Variants in SLC5A10 observed in about 807,000 individuals in gnomAD.
SLC5A10 encodes the protein solute carrier family 5 member 10.
A neutral mutation model predicts 68.9 loss-of-function variants in SLC5A10; 55 were observed. The observed-to-expected ratio is 0.80, with a 90% CI of 0.64 to 1.00. The LOEUF (loss-of-function observed/expected upper bound fraction) is 1.00, where lower values mean the gene tolerates loss of function less well. Among genes scored for constraint, SLC5A10 ranks in the 50% least tolerant of loss-of-function variants. SLC5A10 has a pLI of 0.00. For missense variants in SLC5A10, 732 were observed against 819.3 expected (o/e 0.89, Z 1.30); for synonymous variants, 344 against 344.8 (o/e 1.00, Z 0.02).
Position 19,017,341 on chromosome 17 carries a change from C to G in SLC5A10, c.1242-2082C>G, listed in dbSNP as rs368326847. 1.3e-6 allele frequency: 2 copies of G among 1,552,026 alleles called. No individual in the cohort carries two copies. Among genetic ancestry groups the G allele is most frequent in the Non-Finnish European group, 1.7e-6 (2 of 1,147,062 alleles). ...AAAGCCGTCTCAGCTTCCTCCTGCC[C>G]GAAACACCACCATTGGAGCGGTATC... On this transcript the variant is annotated intron_variant, in intron 11 of 14. Coordinates refer to ENST00000395645, the MANE Select transcript of SLC5A10 (RefSeq NM_001042450.4). The surrounding 1 kb of genome is among the most constrained non-coding windows in gnomAD (Gnocchi z 5.6).
chr17:18,982,202 T>C (rs1160656166), intron 9 of SLC5A10, among the ~76,000 whole-genome samples: 2 of 152,146 alleles, frequency 1.3e-5, no homozygotes, highest in East Asian at 3.9e-4. Flanking sequence ...TGGGCCTTAG[T>C]CTCCCTTAGC....
At position 18,996,283 on chromosome 17, in the gene SLC5A10, T is replaced by TC. The variant is rs1567803019; in HGVS notation, c.983-17125dup. Among the ~76,000 whole-genome samples, 1 of 152,046 alleles carries TC rather than the reference T, an allele frequency of 6.6e-6. No homozygotes were observed. The highest frequency in any genetic ancestry group is 2.4e-5 in the African/African-American group (1 of 41,398). ...ACTCCCTCCTCCAGCTGCAACCCCC[T>TC]CCTCCAGCAGCACGGTTGGGACAGA... is the stretch of plus-strand genomic sequence containing the variant. On this transcript the variant is annotated intron_variant, in intron 9 of 14. Transcript: ENST00000395645. The surrounding 1 kb of genome is among the most constrained non-coding windows in gnomAD (Gnocchi z 4.4).
intron 9 of SLC5A10, among the ~76,000 whole-genome samples, chr17:19,011,996 T>G (rs1028565902): frequency 5.9e-5 from 9 of 152,016 alleles, no homozygotes; most frequent in Admixed American, 1.3e-4. Context: ...TGCTGCTGTG[T>G]TGCAACTCTG....
chr17:18,978,022 G>C, intron 9 of SLC5A10: 1 of 1,544,248 alleles, frequency 6.5e-7, no homozygotes, highest in Non-Finnish European at 8.7e-7. Context: ...CGTGGCCTGG[G>C]CCTGCCATCC....
Position 19,015,166 on chromosome 17 carries a change from G to A in SLC5A10, c.1208G>A (p.Arg403His), listed in dbSNP as rs780978997. 1 of 1,526,252 alleles carries A rather than the reference G, an allele frequency of 6.6e-7. No individual in the cohort carries two copies. 94.5% of individuals were successfully genotyped at this position (1,526,252 alleles called of 1,614,324 possible). ...GACATCTGGAGGCGGCTGCGTCCCC[G>A]CTCCGGCGAGCGGGAGCTCCTGCTG... ...TMDIWRRLRP[R>H]SGERELLLVG... Residue 403 changes from arginine to histidine, a missense_variant, in exon 11 of 15, where the codon CGC becomes CAC. Physicochemically the swap from Arg to His is conservative, Grantham distance 29 (BLOSUM62 0). Transcript: ENST00000395645.
chr17:18,990,000 C>T (rs2043373188), intron 9 of SLC5A10, among the ~76,000 whole-genome samples: 1 of 152,194 alleles, frequency 6.6e-6, no homozygotes, highest in African/African-American at 2.4e-5. Context: ...CCCAGAACTC[C>T]AAGGCCTAGG....
In SLC5A10 at chr17:19,017,652, C is replaced by A. The variant is rs144294169; in HGVS notation, c.1242-1771C>A. On this transcript the variant is annotated intron_variant, in intron 11 of 14. Coordinates refer to ENST00000395645, the MANE Select transcript of SLC5A10 (RefSeq NM_001042450.4). The surrounding 1 kb of genome is among the most constrained non-coding windows in gnomAD (Gnocchi z 5.6). ...CAGTCCACTGTTCCGCCACTGCCCC[C>A]CTGCCCCACTCTCCCCTGTCTGTGT... 2.1e-6 allele frequency: 1 copy of A among 471,608 alleles called. No homozygotes were observed. Among genetic ancestry groups the A allele is most frequent in the African/African-American group, 2.0e-5 (1 of 50,832 alleles). The allele number at this position is 471,608 out of a possible 1,614,324, so 29.2% of individuals were successfully genotyped here. A position where few individuals can be genotyped will look rare whatever the true frequency, so the allele number is the denominator to read the frequency against.
Position 18,958,772 on chromosome 17 carries a change from C to G in SLC5A10, c.183+19C>G. On this transcript the variant is annotated intron_variant, in intron 2 of 14. Transcript: ENST00000395645. ...GTGGCCGGTGAGTGCACCCTGACTT[C>G]TCACACACCCCCACTTTGTCCGTGG... The G allele has an allele frequency of 6.2e-7, 1 of 1,613,674 alleles. No homozygotes were observed. Among genetic ancestry groups the G allele is most frequent in the Non-Finnish European group, 8.5e-7 (1 of 1,179,634 alleles).
chr17:18,988,541 G>T, intron 9 of SLC5A10: 1 of 1,462,184 alleles, frequency 6.8e-7, no homozygotes. Context: ...CCCTACTCCT[G>T]GAGCCTCAGG....
At position 19,000,073 on chromosome 17, in the gene SLC5A10, G is replaced by A. The variant is rs145678818; in HGVS notation, c.983-13337G>A. 2.0e-5 allele frequency among the ~76,000 whole-genome samples: 3 copies of A among 152,330 alleles called. No homozygotes were observed. In the East Asian group the frequency reaches 5.8e-4, roughly 29 times the overall value. ...CTGCAGCCAAGTGAGGCCGGGGCTC[G>A]CCCCTCCCAGGCGTGATCTTACAAG... On this transcript the variant is annotated intron_variant, in intron 9 of 14. Coordinates refer to ENST00000395645, the MANE Select transcript of SLC5A10 (RefSeq NM_001042450.4). This position sits in a 1 kb window ranked among gnomAD's most constrained non-coding sequence, Gnocchi z 5.2.
chr17:18,958,805 T>C, intron 2 of SLC5A10, 52 bp downstream of exon 2: 1 of 1,594,448 alleles, frequency 6.3e-7, no homozygotes, highest in Non-Finnish European at 8.6e-7. Context: ...TGGGGCTGTG[T>C]CTGATCTCTA....
chr17:18,992,625 G>A (rs1031292687), intron 9 of SLC5A10, among the ~76,000 whole-genome samples: 4 of 152,210 alleles, frequency 2.6e-5, no homozygotes, highest in African/African-American at 7.2e-5. Flanking sequence ...AGGGTGGAGC[G>A]GGCGGAGTCG....
intron 9 of SLC5A10, among the ~76,000 whole-genome samples, chr17:19,012,220 C>T (rs901163970): frequency 6.6e-6 from 1 of 152,200 alleles, no homozygotes; most frequent in African/African-American, 2.4e-5. Context: ...GTCAGCCCCA[C>T]GACTGCTAAC....
intron 9 of SLC5A10, among the ~76,000 whole-genome samples, chr17:19,005,151 A>G (rs1200159524): frequency 6.6e-6 from 1 of 152,164 alleles, no homozygotes; most frequent in Non-Finnish European, 1.5e-5. Context: ...TTGTGGAAAC[A>G]GGTCTAGGGT....
intron 9 of SLC5A10, among the ~76,000 whole-genome samples, chr17:18,980,751 G>A (rs942173300): frequency 1.1e-4 from 17 of 152,146 alleles, no homozygotes; most frequent in African/African-American, 4.1e-4. Flanking sequence ...AGGTGTAAAG[G>A]GGACCTGGGG....
intron 4 of SLC5A10, 114 bp downstream of exon 4, chr17:18,959,777 T>C (rs1211808683): frequency 5.3e-6 from 5 of 935,612 alleles, no homozygotes; most frequent in African/African-American, 1.6e-5. Flanking sequence ...CTCTTAGGGC[T>C]GGGTTTGCTA....
At position 18,971,246 on chromosome 17, in the gene SLC5A10, C is replaced by T. The variant is rs1383386169; in HGVS notation, c.846+28C>T. On this transcript the variant is annotated intron_variant, in intron 8 of 14. Transcript: ENST00000395645. The surrounding 1 kb of genome is among the most constrained non-coding windows in gnomAD (Gnocchi z 5.5). ...GAGTGCCAACGTCTCCCGCCCATCCCACCTTCCTGCCGTCCCAGTGGGCTC... is the reference window on the plus strand; with the variant it reads ...GAGTGCCAACGTCTCCCGCCCATCCTACCTTCCTGCCGTCCCAGTGGGCTC... 6.2e-7 allele frequency: 1 copy of T among 1,612,570 alleles called. No homozygotes were observed. Among genetic ancestry groups the T allele is most frequent in the African/African-American group, 1.3e-5 (1 of 74,936 alleles).
chr17:18,970,938 G>A, intron 7 of SLC5A10, 75 bp from the exon 8 acceptor site: 1 of 1,425,954 alleles, frequency 7.0e-7, no homozygotes, highest in Non-Finnish European at 9.8e-7. Flanking sequence ...CTTGTGAGAT[G>A]AAGGCAGGGG....
chr17:19,019,700 C>T lies in SLC5A10; in HGVS notation c.1411-13C>T, dbSNP rs771813173. On this transcript the variant is annotated splice_polypyrimidine_tract_variant and intron_variant, in intron 12 of 14. Coordinates refer to ENST00000395645, the MANE Select transcript of SLC5A10 (RefSeq NM_001042450.4). ...TCCCGTAGCCCCACATGCCCTGCCT[C>T]CCTCCTCCCCAGGGGGCCTTCTGGG... 1.9e-5 allele frequency: 30 copies of T among 1,606,918 alleles called. No homozygotes were observed. The highest frequency in any genetic ancestry group is 1.6e-4 in the Middle Eastern group (1 of 6,078).
Sources: gnomAD v4.1 joint callset for allele counts (sites outside exome capture counted in the v4.1 genomes callset) on GRCh38, gnomAD v4.1.1 for gene constraint, Gnocchi (gnomAD v3.1) non-coding constraint, MANE v1.5 for transcripts, NCBI Gene and HGNC (gene_info 2026-07-23, HGNC 2026-07-21) for gene names.